GLIS3: variants seen among roughly 807,000 people sequenced by gnomAD.
GLIS3 encodes GLIS family zinc finger 3, also known as zinc finger protein GLIS3.
A neutral mutation model predicts 78.6 loss-of-function variants in GLIS3; 53 were observed. The observed-to-expected ratio is 0.67, with a 90% CI of 0.54 to 0.85. GLIS3 has a LOEUF of 0.85. GLIS3 is among the 40% of genes least tolerant of loss of function. GLIS3 has a pLI of 0.00. For missense variants in GLIS3, 1,703 were observed against 1,231.1 expected (o/e 1.38, Z -5.74); for synonymous variants, 684 against 509.9 (o/e 1.34, Z -4.60).
chr9:3,944,255 T>A (rs542405619), intron 4 of GLIS3, among the ~76,000 whole-genome samples: 2 of 152,186 alleles, frequency 1.3e-5, no homozygotes, highest in Admixed American at 1.3e-4. Context: ...TGTGGCAACA[T>A]TTGAACCATA....
At chr9:4,098,636 G>A (rs1353852578) in intron 4 of GLIS3, among the ~76,000 whole-genome samples, 2 of 152,050 alleles carry the variant, frequency 1.3e-5, no homozygotes, top group Non-Finnish European at 1.5e-5. Context: ...TTCTAAAAAC[G>A]TAATCTCAAA....
intron 2 of GLIS3, among the ~76,000 whole-genome samples, chr9:4,203,910 T>A (rs1413734688): frequency 1.3e-5 from 2 of 152,134 alleles, no homozygotes; most frequent in Admixed American, 6.5e-5. Context: ...AAACAGTGGG[T>A]ACTCATGGAC....
At chr9:4,007,897 T>TTTG (rs1491236636) in intron 4 of GLIS3, among the ~76,000 whole-genome samples, 3 of 40,768 alleles carry the variant, frequency 7.4e-5, no homozygotes, top group African/African-American at 1.9e-4. Flanking sequence ...GGGTGGGCGT[T>TTTG]GGGGGGGGGG....
the GLIS3 span, among the ~76,000 whole-genome samples, chr9:4,483,868 T>C: frequency 6.2e-4 from 95 of 152,296 alleles, no homozygotes; most frequent in African/African-American, 2.1e-3. Context: ...TCCTCAGCTG[T>C]AAGATAATGA....
chr9:3,983,462 G>C (rs898127788), intron 4 of GLIS3, among the ~76,000 whole-genome samples: 1 of 152,154 alleles, frequency 6.6e-6, no homozygotes, highest in Non-Finnish European at 1.5e-5. Context: ...TCTGAGACTG[G>C]GTAACAGGCA....
rs940623529 is a variant in GLIS3, at chr9:4,299,597, G to C, written c.-275C>G. The C allele has an allele frequency of 1.3e-5, 2 of 152,634 alleles. No individual in the cohort carries two copies. Among genetic ancestry groups the C allele is most frequent in the African/African-American group, 4.8e-5 (2 of 41,466 alleles). 9.5% of individuals were successfully genotyped at this position (152,634 alleles called of 1,614,324 possible). On this transcript the variant is annotated 5_prime_UTR_variant, in exon 1 of 11. Transcript: ENST00000381971. ...ATGAAAACCCCCATCCAAACGGGGG[G>C]ACGGAGCGCGGAAACCCGGCCCAAG...
chr9:4,387,212 A>C, the GLIS3 span, among the ~76,000 whole-genome samples: 3 of 152,208 alleles, frequency 2.0e-5, no homozygotes, highest in East Asian at 5.8e-4. Context: ...GCTTCCTTAA[A>C]GTCTTAGCAT....
chr9:4,017,404 G>C (rs1448067910), intron 4 of GLIS3, among the ~76,000 whole-genome samples: 1 of 152,290 alleles, frequency 6.6e-6, no homozygotes, highest in South Asian at 2.1e-4. Flanking sequence ...AAGATACACT[G>C]TCCAAGAAGT....
chr9:4,448,576 C>A, the GLIS3 span, among the ~76,000 whole-genome samples: 2 of 152,236 alleles, frequency 1.3e-5, no homozygotes, highest in South Asian at 2.1e-4. Context: ...TTTCCAGCTT[C>A]TTGTGGGCAT....
rs372945833 is a variant in GLIS3, at chr9:3,920,239, G to A, written c.1983+12121C>T. ...AGGATGGTCTCAATCTCCTGACCTC[G>A]TGATCCACCCGCCTCGGCCTCCCAA... On this transcript the variant is annotated intron_variant, in intron 6 of 10. Coordinates refer to ENST00000381971, the MANE Select transcript of GLIS3 (RefSeq NM_001042413.2). 3.3e-5 allele frequency among the ~76,000 whole-genome samples: 5 copies of A among 152,120 alleles called. No homozygotes were observed. In the South Asian group the frequency reaches 6.2e-4, roughly 19 times the overall value.
At chr9:4,388,535 G>A in the GLIS3 span, among the ~76,000 whole-genome samples, 1 of 152,120 alleles carries the variant, frequency 6.6e-6, no homozygotes, top group East Asian at 1.9e-4. Context: ...AATTAGCCAG[G>A]CGTGGTGGCG....
intron 2 of GLIS3, among the ~76,000 whole-genome samples, chr9:4,317,060 T>C (rs1324788208): frequency 2.0e-5 from 3 of 152,222 alleles, no homozygotes; most frequent in African/African-American, 7.2e-5. Flanking sequence ...AAGATGAGGA[T>C]GCTTGAGCAG....
chr9:4,471,713 A>G, the GLIS3 span, among the ~76,000 whole-genome samples: 6 of 152,232 alleles, frequency 3.9e-5, no homozygotes, highest in African/African-American at 7.2e-5. Flanking sequence ...CTTCATGACT[A>G]AAACACCAAA....
chr9:4,328,085 T>C (rs1052927364), intron 2 of GLIS3, among the ~76,000 whole-genome samples: 4 of 152,206 alleles, frequency 2.6e-5, no homozygotes, highest in African/African-American at 4.8e-5. Context: ...CCAGCACATA[T>C]GGTCTTCTGG....
intron 4 of GLIS3, among the ~76,000 whole-genome samples, chr9:3,973,763 G>A (rs566896513): frequency 1.3e-5 from 2 of 152,132 alleles, no homozygotes; most frequent in Admixed American, 6.6e-5. Context: ...CATCCCAATA[G>A]TAGTTAAAAT....
intron 2 of GLIS3, among the ~76,000 whole-genome samples, chr9:4,241,829 C>G (rs1259224214): frequency 6.6e-6 from 1 of 152,050 alleles, no homozygotes. Flanking sequence ...ATTACAGGCA[C>G]GTACCACCAT....
At chr9:3,902,957 T>C (rs1823421211) in intron 6 of GLIS3, among the ~76,000 whole-genome samples, 1 of 152,186 alleles carries the variant, frequency 6.6e-6, no homozygotes, top group Non-Finnish European at 1.5e-5. Flanking sequence ...GAGGAGAGGA[T>C]ACCTACAAAT....
At chr9:4,132,644 C>T (rs1409696846) in intron 2 of GLIS3, among the ~76,000 whole-genome samples, 1 of 152,040 alleles carries the variant, frequency 6.6e-6, no homozygotes, top group Admixed American at 6.6e-5. Flanking sequence ...AACCCAGTCC[C>T]CCATGGAGCC....
intron 2 of GLIS3, among the ~76,000 whole-genome samples, chr9:4,206,345 C>T (rs1448627897): frequency 6.6e-6 from 1 of 152,202 alleles, no homozygotes; most frequent in Non-Finnish European, 1.5e-5. Context: ...GACTGGCTTA[C>T]ACAGGATCTC....
Sources: allele counts gnomAD v4.1 joint callset (sites outside exome capture counted in the v4.1 genomes callset), GRCh38; gene constraint gnomAD v4.1.1; transcripts MANE v1.5; gene names NCBI Gene and HGNC (gene_info 2026-07-23, HGNC 2026-07-21).